Variants in VKORC1L1 observed in about 807,000 individuals in gnomAD.
VKORC1L1 encodes vitamin K epoxide reductase complex subunit 1-like protein 1.
VKORC1L1 carries 2 observed loss-of-function variants against 18.9 expected under a neutral mutation model. The ratio of observed to expected loss-of-function variants is 0.11; its 90% CI spans 0.04 to 0.33. The LOEUF is 0.33. VKORC1L1 is among the 10% of genes least tolerant of loss of function. The pLI, the probability that VKORC1L1 is intolerant of heterozygous loss-of-function variation, is 1.00. For missense variants in VKORC1L1, 123 were observed against 224.1 expected (o/e 0.55, Z 2.88); for synonymous variants, 96 against 100.0 (o/e 0.96, Z 0.24).
At chr7:65,924,676 G>A (rs1261545345) in intron 1 of VKORC1L1, among the ~76,000 whole-genome samples, 1 of 152,188 alleles carries the variant, frequency 6.6e-6, no homozygotes. Flanking sequence ...ACCACTGTTA[G>A]ACTTTGACAG....
At chr7:65,872,394 C>A (rs916878483), upstream of VKORC1L1, among the ~76,000 whole-genome samples, 1 of 151,996 alleles carries the variant, frequency 6.6e-6, no homozygotes, top group African/African-American at 2.4e-5. Context: ...CTCACTGCAA[C>A]CTCCACCTCC....
At chr7:65,932,815 C>T (rs1269219681) in intron 1 of VKORC1L1, among the ~76,000 whole-genome samples, 1 of 152,208 alleles carries the variant, frequency 6.6e-6, no homozygotes, top group Non-Finnish European at 1.5e-5. Flanking sequence ...CGCAGTGGCT[C>T]ATGCCTGTAA....
rs546739928 is a variant in VKORC1L1, at chr7:65,940,038, T to C, written c.195-8633T>C. 6.6e-5 allele frequency among the ~76,000 whole-genome samples: 10 copies of C among 151,948 alleles called. No homozygotes were observed. In the South Asian group the frequency reaches 1.0e-3, roughly 16 times the overall value. Reference sequence around the variant, plus strand: ...TGTCTTTTTTTTTTTAGTTTTTATGTTTTTGTGACAGGGTCTCACTCTGTC... The same window carrying C: ...TGTCTTTTTTTTTTTAGTTTTTATGCTTTTGTGACAGGGTCTCACTCTGTC... On this transcript the variant is annotated intron_variant, in intron 1 of 2. Coordinates refer to ENST00000360768, the MANE Select transcript of VKORC1L1 (RefSeq NM_173517.6).
chr7:65,923,329 G>C (rs1192502071), intron 1 of VKORC1L1, among the ~76,000 whole-genome samples: 1 of 152,030 alleles, frequency 6.6e-6, no homozygotes, highest in Non-Finnish European at 1.5e-5. Context: ...ACTTGAGCCT[G>C]GGGAGGTCGA....
chr7:65,872,076 ATCTGTTT>A (rs1583814503), upstream of VKORC1L1, among the ~76,000 whole-genome samples: 5 of 152,312 alleles, frequency 3.3e-5, 1 homozygote, highest in Non-Finnish European at 1.5e-5. Context: ...AAGCACATAC[ATCTGTTT>A]TCCTTTTAGT....
intron 1 of VKORC1L1, among the ~76,000 whole-genome samples, chr7:65,912,257 A>G (rs1447240045): frequency 6.6e-6 from 1 of 152,258 alleles, no homozygotes; most frequent in African/African-American, 2.4e-5. Context: ...AGTAGGCATG[A>G]GCTGTGCGTA....
intron 1 of VKORC1L1, among the ~76,000 whole-genome samples, chr7:65,900,609 C>T (rs2116390790): frequency 6.6e-6 from 1 of 152,104 alleles, no homozygotes; most frequent in East Asian, 1.9e-4. Flanking sequence ...TCGAGACCAG[C>T]CTGGCCAACG....
intron 1 of VKORC1L1, among the ~76,000 whole-genome samples, chr7:65,893,539 T>C (rs1789142265): frequency 6.6e-6 from 1 of 152,060 alleles, no homozygotes; most frequent in Admixed American, 6.6e-5. Context: ...GGAGACTCTA[T>C]CTCAAAAAAG....
intron 1 of VKORC1L1, among the ~76,000 whole-genome samples, chr7:65,905,792 G>T (rs937098942): frequency 6.6e-6 from 1 of 151,880 alleles, no homozygotes; most frequent in African/African-American, 2.4e-5. Flanking sequence ...CTTGGTCCAC[G>T]TGTGGTATTA....
rs1355320066 is a variant in VKORC1L1 at position 65,956,218 on chromosome 7, T to C, written c.*1918T>C. 2.0e-5 allele frequency: 3 copies of C among 152,216 alleles called. No individual in the cohort carries two copies. The highest frequency in any genetic ancestry group is 4.8e-5 in the African/African-American group (2 of 41,448). 9.4% of individuals were successfully genotyped at this position (152,216 alleles called of 1,614,324 possible). A position where few individuals can be genotyped will look rare whatever the true frequency, so the allele number is the denominator to read the frequency against. ...GTCCTCACGTTTGAGGGCTGTACAG[T>C]GAGGCCATCTTGTAGCAGCGCATCC... is the stretch of plus-strand genomic sequence containing the variant. On this transcript the variant is annotated 3_prime_UTR_variant, in exon 3 of 3. Coordinates refer to ENST00000360768, the MANE Select transcript of VKORC1L1 (RefSeq NM_173517.6).
chr7:65,920,003 C>A (rs1475075056), intron 1 of VKORC1L1, among the ~76,000 whole-genome samples: 1 of 152,122 alleles, frequency 6.6e-6, no homozygotes, highest in Non-Finnish European at 1.5e-5. Context: ...TACTGCTACC[C>A]TTGCCCTGGT....
In VKORC1L1 at chr7:65,909,690, TTGTGTGTGTGTGTG is replaced by T. The variant is rs56074368; in HGVS notation, c.194+36160_194+36173del. On this transcript the variant is annotated intron_variant, in intron 1 of 2. Transcript: ENST00000360768. ...AAGCTTCTAACTTTTGTTTTAGCCT[TTGTGTGTGTGTGTG>T]TGTGTGTGTGTGTGTGTGTGTGTGT... is the stretch of plus-strand genomic sequence containing the variant. Among the ~76,000 whole-genome samples, 329 of 123,842 alleles carry T rather than the reference TTGTGTGTGTGTGTG, an allele frequency of 2.7e-3. 1 individual carries two copies. Among genetic ancestry groups the T allele is most frequent in the Admixed American group, 3.2e-3 (38 of 11,944 alleles). The allele number at this position is 123,842 out of a possible 152,430, so 81.2% of individuals were successfully genotyped here.
rs1790276153 is a variant in VKORC1L1 at position 65,955,280 on chromosome 7, T to TA, written c.*981dup. 1 of 152,206 alleles carries TA rather than the reference T, an allele frequency of 6.6e-6. No homozygotes were observed. Among genetic ancestry groups the TA allele is most frequent in the African/African-American group, 2.4e-5 (1 of 41,448 alleles). 9.4% of individuals were successfully genotyped at this position (152,206 alleles called of 1,614,324 possible). On this transcript the variant is annotated 3_prime_UTR_variant, in exon 3 of 3. Coordinates refer to ENST00000360768, the MANE Select transcript of VKORC1L1 (RefSeq NM_173517.6). The stretch of plus-strand genomic sequence containing the variant: ...TTGGTGCCAGTCAAGCAAAGAGTAT[T>TA]ATGATGGAAAAGACCAGTCCAAGCC...
In VKORC1L1 at chr7:65,943,743, C is replaced by T. The variant is rs371492602; in HGVS notation, c.195-4928C>T. ...CTGGGAGGTAGAGGTTGCAGTGAGT[C>T]GAGATTGTGCCATTGCACTCCAGCC... On this transcript the variant is annotated intron_variant, in intron 1 of 2. Coordinates refer to ENST00000360768, the MANE Select transcript of VKORC1L1 (RefSeq NM_173517.6). Among the ~76,000 whole-genome samples the T allele has an allele frequency of 2.0e-4, 31 of 151,890 alleles. 1 individual carries two copies. The East Asian group carries it at 3.1e-3, about 15-fold the overall frequency.
chr7:65,948,939 A>G (rs1434367372), intron 2 of VKORC1L1, among the ~76,000 whole-genome samples, 159 bp downstream of exon 2: 2 of 152,144 alleles, frequency 1.3e-5, no homozygotes, highest in African/African-American at 4.8e-5. Flanking sequence ...TGAGATTTTT[A>G]TTATATTATT....
At chr7:65,904,273 A>G (rs1038260749) in intron 1 of VKORC1L1, among the ~76,000 whole-genome samples, 6 of 152,158 alleles carry the variant, frequency 3.9e-5, no homozygotes, top group Non-Finnish European at 7.4e-5. Flanking sequence ...CAGTAGTGCA[A>G]TCCCAGCTCA....
In VKORC1L1 at chr7:65,955,748, C is replaced by G. The variant is rs940114935; in HGVS notation, c.*1448C>G. Reference sequence around the variant, plus strand: ...TCTGCAGAAGGGTCCTGTGTGATCACTTAATCCTCTGGTTGAGAAGCAGCA... The same window carrying G: ...TCTGCAGAAGGGTCCTGTGTGATCAGTTAATCCTCTGGTTGAGAAGCAGCA... On this transcript the variant is annotated 3_prime_UTR_variant, in exon 3 of 3. Transcript: ENST00000360768. The G allele has an allele frequency of 6.6e-6, 1 of 152,254 alleles. No individual in the cohort carries two copies. The highest frequency in any genetic ancestry group is 1.5e-5 in the Non-Finnish European group (1 of 68,048). The allele number at this position is 152,254 out of a possible 1,614,324, so 9.4% of individuals were successfully genotyped here. A position where few individuals can be genotyped will look rare whatever the true frequency, so the allele number is the denominator to read the frequency against.
chr7:65,884,199 T>C (rs145156849), intron 1 of VKORC1L1, among the ~76,000 whole-genome samples: 4 of 152,286 alleles, frequency 2.6e-5, no homozygotes, highest in African/African-American at 9.6e-5. Flanking sequence ...GTAGTAATAG[T>C]GTTAACTCAT....
chr7:65,909,080 G>T lies in VKORC1L1; in HGVS notation c.194+35515G>T, dbSNP rs188801561. Among the ~76,000 whole-genome samples, 557 of 147,836 alleles carry T rather than the reference G, an allele frequency of 3.8e-3. 6 individuals are homozygous for T. Among genetic ancestry groups the T allele is most frequent in the African/African-American group, 0.013 (531 of 40,584 alleles). ...AGGTTGGGAGTTCAAGACCAGCCTG[G>T]CCAACATAGCCTTGGCCTCCCAAAG... On this transcript the variant is annotated intron_variant, in intron 1 of 2. Coordinates refer to ENST00000360768, the MANE Select transcript of VKORC1L1 (RefSeq NM_173517.6).
Sources: gnomAD v4.1 joint callset for allele counts (sites outside exome capture counted in the v4.1 genomes callset) on GRCh38, gnomAD v4.1.1 for gene constraint, MANE v1.5 for transcripts, NCBI Gene and HGNC (gene_info 2026-07-23, HGNC 2026-07-21) for gene names.